The following USP32 variants were observed in gnomAD, a reference collection of about 807,000 sequenced individuals.
USP32 encodes the protein ubiquitin specific peptidase 32.
Under a neutral mutation model 204.8 loss-of-function variants are expected in USP32, and 59 were observed. The ratio of observed to expected loss-of-function variants is 0.29; its 90% CI spans 0.23 to 0.36. The LOEUF (loss-of-function observed/expected upper bound fraction) is 0.36, where lower values mean the gene tolerates loss of function less well. USP32 is among the 10% of genes least tolerant of loss of function. USP32 has a pLI of 1.00. For missense variants in USP32, 1,160 were observed against 1,946.4 expected (o/e 0.60, Z 7.60); for synonymous variants, 517 against 678.4 (o/e 0.76, Z 3.70).
chr17:60,230,905 T>C (rs1322868215), intron 12 of USP32, among the ~76,000 whole-genome samples: 1 of 152,234 alleles, frequency 6.6e-6, no homozygotes, highest in East Asian at 1.9e-4. Context: ...CATTTCTGGC[T>C]GCTTGCGGAA....
At chr17:60,194,422 A>G (rs1056473030) in intron 27 of USP32, among the ~76,000 whole-genome samples, 2 of 152,158 alleles carry the variant, frequency 1.3e-5, no homozygotes, top group Admixed American at 6.5e-5. Context: ...CCACTTGTGC[A>G]TGATTTCTTC....
At chr17:60,393,164 A>G (rs377326036), upstream of USP32, among the ~76,000 whole-genome samples, 1 of 152,120 alleles carries the variant, frequency 6.6e-6, no homozygotes, top group East Asian at 1.9e-4. Flanking sequence ...CTGTCCTACT[A>G]TCAATTTCAC....
At position 60,359,670 on chromosome 17, in the gene USP32, G is replaced by C. The variant is rs764763177; in HGVS notation, c.59-14062C>G. Reference sequence around the variant, plus strand: ...TACAAAAAGCAAAAATATTAGCATGGTGGTGTGCACCTGTACCAGCTACTC... The same window carrying C: ...TACAAAAAGCAAAAATATTAGCATGCTGGTGTGCACCTGTACCAGCTACTC... On this transcript the variant is annotated intron_variant, in intron 1 of 33. Coordinates refer to ENST00000300896, the MANE Select transcript of USP32 (RefSeq NM_032582.4). 2.2e-4 allele frequency among the ~76,000 whole-genome samples: 33 copies of C among 152,140 alleles called. 1 individual carries two copies. Among genetic ancestry groups the C allele is most frequent in the Non-Finnish European group, 4.3e-4 (29 of 67,998 alleles).
At chr17:60,232,168 CTTTTTTT>C (rs58707657) in intron 12 of USP32, among the ~76,000 whole-genome samples, 25 of 109,474 alleles carry the variant, frequency 2.3e-4, no homozygotes, top group South Asian at 1.5e-3. Flanking sequence ...TTTTCTTTTT[CTTTTTTT>C]TTTTTTTTTT....
intron 2 of USP32, among the ~76,000 whole-genome samples, chr17:60,312,313 C>T (rs1462192847): frequency 6.6e-6 from 1 of 152,184 alleles, no homozygotes; most frequent in Non-Finnish European, 1.5e-5. Flanking sequence ...CTCTAGTACA[C>T]CAATCTAACT....
In USP32 at chr17:60,266,117, G is replaced by A. The variant is rs769487199; in HGVS notation, c.812-26C>T. On this transcript the variant is annotated intron_variant, in intron 7 of 33. Transcript: ENST00000300896. Reference sequence around the variant, plus strand: ...CTAATGAAAAGAAACTCTTATGGAGGAAAATCATTTTTGTATTCTGAGGTA... The same window carrying A: ...CTAATGAAAAGAAACTCTTATGGAGAAAAATCATTTTTGTATTCTGAGGTA... 7.0e-6 allele frequency: 11 copies of A among 1,565,532 alleles called. No homozygotes were observed. In the East Asian group the frequency reaches 2.0e-4, roughly 29 times the overall value.
At chr17:60,326,979 A>T (rs201283529) in intron 2 of USP32, among the ~76,000 whole-genome samples, 7 of 152,072 alleles carry the variant, frequency 4.6e-5, no homozygotes, top group Admixed American at 2.0e-4. Flanking sequence ...GAGGAAAGGG[A>T]GGGGGAGGAA....
At chr17:60,326,529 C>A (rs2088243638) in intron 2 of USP32, among the ~76,000 whole-genome samples, 2 of 152,088 alleles carry the variant, frequency 1.3e-5, no homozygotes, top group Non-Finnish European at 2.9e-5. Flanking sequence ...GAACTCCTAA[C>A]CTTGGGTGAT....
chr17:60,225,959 A>T, intron 13 of USP32, 80 bp downstream of exon 13: 2 of 1,409,134 alleles, frequency 1.4e-6, no homozygotes, highest in Non-Finnish European at 1.9e-6. Context: ...TCTCAAAAAA[A>T]AAAAAAAAAA....
intron 18 of USP32, among the ~76,000 whole-genome samples, chr17:60,212,388 C>T (rs2145514644): frequency 6.6e-6 from 1 of 152,280 alleles, no homozygotes; most frequent in Middle Eastern, 3.4e-3. Flanking sequence ...GCATTGAATA[C>T]TGTAGGCAAG....
intron 5 of USP32, among the ~76,000 whole-genome samples, chr17:60,286,990 A>G (rs769564746): frequency 6.6e-6 from 1 of 152,178 alleles, no homozygotes; most frequent in Non-Finnish European, 1.5e-5. Flanking sequence ...TCTGATAAAA[A>G]TACAAAAAAT....
intron 5 of USP32, among the ~76,000 whole-genome samples, chr17:60,282,279 A>G (rs1296411257): frequency 1.3e-5 from 2 of 152,242 alleles, no homozygotes; most frequent in Non-Finnish European, 2.9e-5. Context: ...TAGAAGGAAG[A>G]CCTTAGAACT....
intron 2 of USP32, among the ~76,000 whole-genome samples, chr17:60,312,480 C>T (rs957198962): frequency 3.9e-5 from 6 of 152,008 alleles, no homozygotes; most frequent in African/African-American, 1.5e-4. Context: ...GGCTGTAGTG[C>T]AGTGGCATAA....
intron 12 of USP32, among the ~76,000 whole-genome samples, chr17:60,232,547 T>C (rs1463384795): frequency 1.1e-5 from 1 of 90,672 alleles, no homozygotes; most frequent in Admixed American, 9.4e-5. Context: ...AGAAATTTGA[T>C]TTTTTTTTTT....
chr17:60,319,495 G>A (rs963556552), intron 2 of USP32, among the ~76,000 whole-genome samples: 54 of 152,294 alleles, frequency 3.5e-4, no homozygotes, highest in African/African-American at 1.2e-3. Flanking sequence ...GTACTTCTGC[G>A]AGCTAGGCAC....
At chr17:60,398,300 G>A (rs1299459294) in intron 1 of USP32, among the ~76,000 whole-genome samples, 1 of 152,176 alleles carries the variant, frequency 6.6e-6, no homozygotes, top group African/African-American at 2.4e-5. Flanking sequence ...GGAACCTGAG[G>A]TGGGAGGATC....
chr17:60,336,070 G>A (rs192410852), intron 2 of USP32, among the ~76,000 whole-genome samples: 5 of 142,650 alleles, frequency 3.5e-5, no homozygotes, highest in Non-Finnish European at 7.4e-5. Flanking sequence ...TTATACATAA[G>A]GTATTTTCTG....
chr17:60,220,582 G>A (rs2085217469), intron 15 of USP32, among the ~76,000 whole-genome samples: 1 of 151,742 alleles, frequency 6.6e-6, no homozygotes, highest in South Asian at 2.1e-4. Flanking sequence ...TCAAAATATT[G>A]TTGTAAGAGT....
chr17:60,421,155 T>C (rs576500681), intron 1 of USP32: 1 of 169,068 alleles, frequency 5.9e-6, no homozygotes, highest in South Asian at 1.9e-4. Flanking sequence ...ATTATCCTTC[T>C]TAATACTCGC....
Sources: allele counts gnomAD v4.1 joint callset (sites outside exome capture counted in the v4.1 genomes callset), GRCh38; gene constraint gnomAD v4.1.1; transcripts MANE v1.5; gene names NCBI Gene and HGNC (gene_info 2026-07-23, HGNC 2026-07-21).